CUL3: variants seen among roughly 807,000 people sequenced by gnomAD.
CUL3 encodes cullin 3, also known as cullin-3.
In CUL3, 19 loss-of-function variants were observed where a neutral mutation model predicts 89.1. The observed-to-expected ratio is 0.21, with a 90% CI of 0.15 to 0.31. CUL3 has a LOEUF of 0.31. Among genes scored for constraint, CUL3 ranks in the 10% least tolerant of loss-of-function variants. The pLI is 1.00. For missense variants in CUL3, 469 were observed against 942.3 expected (o/e 0.50, Z 6.58); for synonymous variants, 351 against 308.4 (o/e 1.14, Z -1.45).
intron 8 of CUL3, 42 bp downstream of exon 8, chr2:224,505,914 T>C (rs1400147105): frequency 7.9e-7 from 1 of 1,263,938 alleles, no homozygotes; most frequent in Non-Finnish European, 1.1e-6. Context: ...TTTATATCTT[T>C]AAATAAAATT....
At chr2:224,484,421 T>C (rs902040249) in intron 13 of CUL3, among the ~76,000 whole-genome samples, 1 of 152,154 alleles carries the variant, frequency 6.6e-6, no homozygotes, top group Non-Finnish European at 1.5e-5. Flanking sequence ...TCTCTATCTA[T>C]ATTCCTTCAT....
chr2:224,550,127 G>C (rs889175210), intron 2 of CUL3, among the ~76,000 whole-genome samples: 1 of 151,964 alleles, frequency 6.6e-6, no homozygotes, highest in Admixed American at 6.6e-5. Flanking sequence ...ATACAGGTTG[G>C]GTACTCCTCA....
intron 1 of CUL3, 121 bp downstream of exon 1, chr2:224,584,823 G>A: frequency 1.8e-6 from 1 of 556,700 alleles, no homozygotes; most frequent in Non-Finnish European, 2.4e-6. Flanking sequence ...CCCGCGGCCG[G>A]CGGGCGTGGG....
At chr2:224,573,322 A>G (rs1695228293) in intron 1 of CUL3, among the ~76,000 whole-genome samples, 1 of 152,228 alleles carries the variant, frequency 6.6e-6, no homozygotes, top group South Asian at 2.1e-4. Context: ...TACAATTTAA[A>G]GTAGCAAAGT....
intron 2 of CUL3, among the ~76,000 whole-genome samples, chr2:224,539,871 T>C (rs531202196): frequency 6.6e-6 from 1 of 152,150 alleles, no homozygotes; most frequent in African/African-American, 2.4e-5. Context: ...TCCAAAACCA[T>C]AGACTGAGTT....
chr2:224,475,402 A>T (rs1413990701), intron 15 of CUL3, among the ~76,000 whole-genome samples: 1 of 152,196 alleles, frequency 6.6e-6, no homozygotes, highest in Non-Finnish European at 1.5e-5. Context: ...TGACATCAAC[A>T]AGTAGTAAAT....
chr2:224,515,833 C>T (rs1409960153), intron 3 of CUL3, among the ~76,000 whole-genome samples: 2 of 152,080 alleles, frequency 1.3e-5, no homozygotes, highest in African/African-American at 2.4e-5. Context: ...GTTGACATTA[C>T]AGGCATATAC....
At chr2:224,548,623 T>C (rs1163880807) in intron 2 of CUL3, among the ~76,000 whole-genome samples, 1 of 152,140 alleles carries the variant, frequency 6.6e-6, no homozygotes. Context: ...ATAAGGTAAA[T>C]CTAAGAAAAC....
chr2:224,542,049 T>A (rs947870750), intron 2 of CUL3, among the ~76,000 whole-genome samples: 1 of 152,222 alleles, frequency 6.6e-6, no homozygotes, highest in Non-Finnish European at 1.5e-5. Flanking sequence ...TACACTAATT[T>A]TTAAAAATTT....
chr2:224,552,945 T>C (rs1336302156), intron 2 of CUL3, among the ~76,000 whole-genome samples: 1 of 152,182 alleles, frequency 6.6e-6, no homozygotes, highest in African/African-American at 2.4e-5. Context: ...AAAGAATATC[T>C]CACCTTCTAG....
chr2:224,566,840 A>G (rs1433838013), intron 1 of CUL3, among the ~76,000 whole-genome samples: 1 of 152,220 alleles, frequency 6.6e-6, no homozygotes, highest in African/African-American at 2.4e-5. Flanking sequence ...ATATGAGATA[A>G]AAAAGTATTT....
chr2:224,480,707 C>T (rs1042097847), intron 14 of CUL3, among the ~76,000 whole-genome samples: 20 of 152,028 alleles, frequency 1.3e-4, no homozygotes, highest in Non-Finnish European at 1.5e-5. Flanking sequence ...ATAAATATTC[C>T]CACATATTTT....
intron 2 of CUL3, among the ~76,000 whole-genome samples, chr2:224,544,064 C>T (rs1172638613): frequency 1.3e-5 from 2 of 152,046 alleles, no homozygotes; most frequent in Non-Finnish European, 2.9e-5. Context: ...GACAACTGCC[C>T]AGGGAAGTCA....
At chr2:224,563,094 A>C (rs1464635851) in intron 1 of CUL3, 1 of 378,256 alleles carries the variant, frequency 2.6e-6, no homozygotes, top group African/African-American at 2.1e-5. Flanking sequence ...ACAGTCATCA[A>C]ATAAATGTCA....
At chr2:224,484,305 A>T (rs1691640243) in intron 13 of CUL3, among the ~76,000 whole-genome samples, 1 of 152,100 alleles carries the variant, frequency 6.6e-6, no homozygotes, top group South Asian at 2.1e-4. Context: ...TCTTTTGCTC[A>T]TGTTTGGCTA....
chr2:224,513,344 G>A (rs1055876649), intron 5 of CUL3, among the ~76,000 whole-genome samples, 180 bp downstream of exon 5: 3 of 152,064 alleles, frequency 2.0e-5, no homozygotes, highest in Non-Finnish European at 4.4e-5. Flanking sequence ...ATTTGTTATC[G>A]ATGAGTTGCT....
intron 14 of CUL3, among the ~76,000 whole-genome samples, chr2:224,480,692 T>G (rs1691508043): frequency 6.6e-6 from 1 of 152,150 alleles, no homozygotes; most frequent in Admixed American, 6.5e-5. Context: ...GGTAAGGCAA[T>G]CCAGATAAAT....
chr2:224,536,273 C>T (rs143228534), intron 2 of CUL3, among the ~76,000 whole-genome samples: 1 of 152,318 alleles, frequency 6.6e-6, no homozygotes, highest in East Asian at 1.9e-4. Context: ...TTACTAAATA[C>T]AGCAACTGTG....
At chr2:224,527,604 C>T (rs540816846) in intron 3 of CUL3, among the ~76,000 whole-genome samples, 1 of 152,298 alleles carries the variant, frequency 6.6e-6, no homozygotes, top group South Asian at 2.1e-4. Flanking sequence ...TCAAGATTCC[C>T]TCCAGCCACA....
Sources: allele counts gnomAD v4.1 joint callset (sites outside exome capture counted in the v4.1 genomes callset), GRCh38; gene constraint gnomAD v4.1.1; transcripts MANE v1.5; gene names NCBI Gene and HGNC (gene_info 2026-07-23, HGNC 2026-07-21).